Variants in PDE1C observed in about 807,000 individuals in gnomAD.
PDE1C encodes the protein phosphodiesterase 1C, also known as dual specificity calcium/calmodulin-dependent 3',5'-cyclic nucleotide phosphodiesterase 1C.
Under a neutral mutation model 93.1 loss-of-function variants are expected in PDE1C, and 62 were observed. The observed-to-expected ratio is 0.67, with a 90% CI of 0.54 to 0.82. The LOEUF (loss-of-function observed/expected upper bound fraction) is 0.82, where lower values mean the gene tolerates loss of function less well. Among genes scored for constraint, PDE1C ranks in the 40% least tolerant of loss-of-function variants. The probability of loss-of-function intolerance (pLI) is 0.00; values close to 1 mark genes in which losing one functional copy is unlikely to be tolerated. For missense variants in PDE1C, 742 were observed against 884.6 expected (o/e 0.84, Z 2.04); for synonymous variants, 325 against 310.1 (o/e 1.05, Z -0.50).
chr7:32,309,070 GA>G (rs1813098482), intron 1 of PDE1C, among the ~76,000 whole-genome samples: 1 of 152,198 alleles, frequency 6.6e-6, no homozygotes, highest in African/African-American at 2.4e-5. Context: ...TGATGGAGCT[GA>G]AAGCCAAGGC....
At chr7:32,096,813 G>GATA (rs1563309613) in intron 3 of PDE1C, among the ~76,000 whole-genome samples, 24 of 85,768 alleles carry the variant, frequency 2.8e-4, no homozygotes, top group African/African-American at 1.2e-3. Flanking sequence ...AACCAGTAGG[G>GATA]GATAGAAAGA....
intron 3 of PDE1C, among the ~76,000 whole-genome samples, chr7:32,152,514 G>T (rs1227476211): frequency 6.6e-6 from 1 of 152,192 alleles, no homozygotes; most frequent in Admixed American, 6.5e-5. Flanking sequence ...AAACCTAAGG[G>T]TTCCAGGCTG....
intron 1 of PDE1C, among the ~76,000 whole-genome samples, chr7:32,260,135 G>A (rs2128880047): frequency 6.6e-6 from 1 of 152,226 alleles, no homozygotes; most frequent in Non-Finnish European, 1.5e-5. Flanking sequence ...CAGTGTTTAG[G>A]GTTTTGGCTT....
intron 1 of PDE1C, among the ~76,000 whole-genome samples, chr7:32,217,173 T>C (rs1806498132): frequency 6.6e-6 from 1 of 152,096 alleles, no homozygotes; most frequent in Non-Finnish European, 1.5e-5. Context: ...AGGTAGAAAA[T>C]AGCAACAAGG....
At chr7:32,221,907 C>G (rs577826906) in intron 1 of PDE1C, among the ~76,000 whole-genome samples, 2 of 152,166 alleles carry the variant, frequency 1.3e-5, no homozygotes, top group African/African-American at 4.8e-5. Flanking sequence ...TAGATCACTA[C>G]CCACCTGGGC....
At chr7:32,281,929 G>A (rs1342350871) in intron 1 of PDE1C, among the ~76,000 whole-genome samples, 3 of 151,992 alleles carry the variant, frequency 2.0e-5, no homozygotes, top group Admixed American at 6.6e-5. Context: ...AGGACAGAAC[G>A]TGTTCTCCCG....
At chr7:32,306,566 A>G (rs571062825) in intron 1 of PDE1C, among the ~76,000 whole-genome samples, 1 of 152,234 alleles carries the variant, frequency 6.6e-6, no homozygotes, top group Non-Finnish European at 1.5e-5. Flanking sequence ...GCCAGCTTGC[A>G]TTCTTGCTCC....
At chr7:32,397,690 A>G (rs1784861443) in intron 1 of PDE1C, among the ~76,000 whole-genome samples, 2 of 152,160 alleles carry the variant, frequency 1.3e-5, no homozygotes. Context: ...ACATGGTTGA[A>G]TAAATTATGG....
chr7:31,904,350 T>C (rs1272784107), intron 2 of PDE1C, among the ~76,000 whole-genome samples: 1 of 151,536 alleles, frequency 6.6e-6, no homozygotes, highest in African/African-American at 2.4e-5. Context: ...TGCGAGCAAA[T>C]CACCCAAAAT....
chr7:32,370,014 A>T (rs1272384093), intron 1 of PDE1C, among the ~76,000 whole-genome samples: 1 of 152,224 alleles, frequency 6.6e-6, no homozygotes, highest in Non-Finnish European at 1.5e-5. Flanking sequence ...TCATGCTACT[A>T]TAAAGATACA....
chr7:31,695,555 G>C, the PDE1C span: 3 of 1,613,876 alleles, frequency 1.9e-6, no homozygotes, highest in Non-Finnish European at 1.7e-6. Flanking sequence ...CCTGAATGTT[G>C]AGTCAGACCA....
At chr7:31,919,213 C>A (rs1474490046) in intron 2 of PDE1C, among the ~76,000 whole-genome samples, 3 of 152,170 alleles carry the variant, frequency 2.0e-5, no homozygotes, top group Non-Finnish European at 4.4e-5. Context: ...ACAAGCATAT[C>A]AAATAAATAT....
chr7:32,196,135 G>A (rs982802203), intron 2 of PDE1C, among the ~76,000 whole-genome samples: 7 of 152,134 alleles, frequency 4.6e-5, no homozygotes, highest in Admixed American at 1.3e-4. Flanking sequence ...TTAGATGAAA[G>A]GGCCAGCTCT....
chr7:31,979,187 T>C (rs780492666), intron 2 of PDE1C, among the ~76,000 whole-genome samples: 12 of 152,090 alleles, frequency 7.9e-5, no homozygotes, highest in Non-Finnish European at 4.4e-5. Flanking sequence ...GGTAATTGTA[T>C]GGAAATAAAG....
chr7:31,973,948 GTTTA>G (rs1811304468), intron 2 of PDE1C, among the ~76,000 whole-genome samples: 2 of 152,150 alleles, frequency 1.3e-5, no homozygotes, highest in Non-Finnish European at 2.9e-5. Context: ...AGATGTTTTT[GTTTA>G]TTTTTGTTTT....
intron 2 of PDE1C, among the ~76,000 whole-genome samples, chr7:31,920,420 A>G (rs1171969761): frequency 1.3e-5 from 2 of 152,000 alleles, no homozygotes; most frequent in African/African-American, 4.8e-5. Flanking sequence ...GCAACCTCCA[A>G]TCCCTGGGCA....
chr7:32,177,882 G>A (rs1045115147), intron 2 of PDE1C, among the ~76,000 whole-genome samples: 3 of 152,146 alleles, frequency 2.0e-5, no homozygotes, highest in African/African-American at 7.2e-5. Flanking sequence ...ACCAAGACAG[G>A]GTACCTGGGC....
At chr7:31,814,621 A>T (rs1461501058) in intron 15 of PDE1C, among the ~76,000 whole-genome samples, 2 of 151,404 alleles carry the variant, frequency 1.3e-5, no homozygotes, top group East Asian at 3.9e-4. Flanking sequence ...CATAATAGCT[A>T]GAACACGGTT....
intron 2 of PDE1C, among the ~76,000 whole-genome samples, chr7:31,990,690 T>C (rs1053172617): frequency 3.3e-5 from 5 of 152,182 alleles, no homozygotes; most frequent in African/African-American, 1.2e-4. Flanking sequence ...CCAAAATTAA[T>C]ACAAATTTGC....
Sources: gnomAD v4.1 joint callset for allele counts (sites outside exome capture counted in the v4.1 genomes callset) on GRCh38, gnomAD v4.1.1 for gene constraint, MANE v1.5 for transcripts, NCBI Gene and HGNC (gene_info 2026-07-23, HGNC 2026-07-21) for gene names.